ERC2: variants seen among roughly 807,000 people sequenced by gnomAD.
The protein encoded by ERC2 is ERC protein 2.
ERC2 carries 42 observed loss-of-function variants against 114.8 expected under a neutral mutation model. That is an observed-to-expected ratio of 0.37 (90% CI 0.29 to 0.47). ERC2 has a LOEUF of 0.47. Ranked by LOEUF, ERC2 falls within the 20% of genes least tolerant of loss-of-function variation. ERC2 has a pLI of 0.99. For missense variants in ERC2, 939 were observed against 1,150.7 expected, an observed-to-expected ratio of 0.82 and a Z score of 2.66; for synonymous variants, 454 against 425.5, an observed-to-expected ratio of 1.07 and a Z score of -0.82.
chr3:55,614,833 T>C (rs1410868059), intron 17 of ERC2, among the ~76,000 whole-genome samples: 1 of 152,162 alleles, frequency 6.6e-6, no homozygotes, highest in Non-Finnish European at 1.5e-5. Context: ...AACAGCAAAA[T>C]GGGATTTCAG....
chr3:55,927,787 T>C lies in ERC2; in HGVS notation c.2403+22638A>G, dbSNP rs370169940. Among the ~76,000 whole-genome samples, 9 of 152,150 alleles carry C rather than the reference T, an allele frequency of 5.9e-5. No homozygotes were observed. In the East Asian group the frequency reaches 1.4e-3, roughly 23 times the overall value. On this transcript the variant is annotated intron_variant, in intron 13 of 17. Transcript: ENST00000288221. ...TCCCAGCCTCTGGTAACCATCCTTC[T>C]ACTCTCTATCTCCATGAGTTTCACT...
chr3:56,059,103 T>A (rs1031009171), intron 7 of ERC2, among the ~76,000 whole-genome samples: 67 of 152,090 alleles, frequency 4.4e-4, no homozygotes, highest in African/African-American at 1.4e-3. Context: ...TTTTATTTTT[T>A]TTTTTGGAAA....
At chr3:56,155,433 C>T (rs930697005) in intron 4 of ERC2, among the ~76,000 whole-genome samples, 5 of 151,720 alleles carry the variant, frequency 3.3e-5, no homozygotes, top group African/African-American at 4.8e-5. Flanking sequence ...TATTGAGAAC[C>T]TATCTGAATG....
chr3:55,602,792 T>C (rs2058466714), intron 17 of ERC2, among the ~76,000 whole-genome samples: 2 of 152,346 alleles, frequency 1.3e-5, no homozygotes, highest in South Asian at 4.1e-4. Context: ...TTTCATGGTC[T>C]TAACCTCATG....
At chr3:55,808,728 TATATATATATATATAAC>T (rs1559689314) in intron 14 of ERC2, among the ~76,000 whole-genome samples, 2 of 115,034 alleles carry the variant, frequency 1.7e-5, no homozygotes, top group Non-Finnish European at 3.5e-5. Flanking sequence ...TATATATATA[TATATATATATATATAAC>T]GTATAACTAA....
intron 1 of ERC2, among the ~76,000 whole-genome samples, chr3:56,460,152 G>A (rs1243525987): frequency 6.6e-6 from 1 of 152,216 alleles, no homozygotes; most frequent in Non-Finnish European, 1.5e-5. Flanking sequence ...CTGAAAGAAT[G>A]AGCAGAAAAT....
intron 17 of ERC2, among the ~76,000 whole-genome samples, chr3:55,576,240 T>C (rs1575630353): frequency 6.7e-6 from 1 of 149,476 alleles, no homozygotes. Context: ...ACCTGAGAGG[T>C]AGAGATTGCA....
chr3:56,422,176 G>T (rs893447482), intron 2 of ERC2, among the ~76,000 whole-genome samples: 1 of 152,138 alleles, frequency 6.6e-6, no homozygotes, highest in African/African-American at 2.4e-5. Flanking sequence ...AATTCCTGAA[G>T]ATAGAGGCAA....
At chr3:55,715,945 C>T (rs1255029968) in intron 15 of ERC2, among the ~76,000 whole-genome samples, 3 of 152,130 alleles carry the variant, frequency 2.0e-5, no homozygotes, top group Non-Finnish European at 2.9e-5. Context: ...AAATCATAAC[C>T]TACTAACCAC....
intron 13 of ERC2, among the ~76,000 whole-genome samples, chr3:55,919,844 G>A (rs2065314272): frequency 6.6e-6 from 1 of 152,168 alleles, no homozygotes; most frequent in Non-Finnish European, 1.5e-5. Context: ...GGAATTGCAA[G>A]TGCAAAAGCC....
chr3:55,877,534 C>T (rs2062915719), intron 14 of ERC2, among the ~76,000 whole-genome samples: 1 of 141,858 alleles, frequency 7.0e-6, no homozygotes, highest in Non-Finnish European at 1.5e-5. Context: ...TTTTTTGAGA[C>T]AGGGTCTCAC....
intron 14 of ERC2, among the ~76,000 whole-genome samples, chr3:55,754,920 C>T (rs891921476): frequency 1.3e-5 from 2 of 152,120 alleles, no homozygotes; most frequent in Non-Finnish European, 2.9e-5. Flanking sequence ...TCTTAAGTGA[C>T]AGCTGCATTC....
intron 1 of ERC2, among the ~76,000 whole-genome samples, chr3:56,453,760 G>T (rs1231963126): frequency 6.6e-6 from 1 of 152,156 alleles, no homozygotes; most frequent in Admixed American, 6.5e-5. Flanking sequence ...ACAAATAGCT[G>T]CTCCTGGTGC....
intron 17 of ERC2, among the ~76,000 whole-genome samples, chr3:55,524,794 G>C (rs1474108391): frequency 1.3e-5 from 2 of 152,216 alleles, no homozygotes; most frequent in Non-Finnish European, 2.9e-5. Context: ...AAAAAAGAGA[G>C]AGAGAGAGGA....
intron 14 of ERC2, among the ~76,000 whole-genome samples, chr3:55,874,075 G>T (rs566878628): frequency 6.6e-6 from 1 of 152,342 alleles, no homozygotes; most frequent in African/African-American, 2.4e-5. Context: ...CCTCAGTCTA[G>T]TGTGTTGCAT....
At chr3:55,649,953 G>A (rs1439243442) in intron 17 of ERC2, among the ~76,000 whole-genome samples, 3 of 152,198 alleles carry the variant, frequency 2.0e-5, no homozygotes, top group African/African-American at 7.2e-5. Context: ...AGGCAGAGGG[G>A]CCGGCAGGGA....
At chr3:56,129,460 A>C (rs564601769) in intron 6 of ERC2, among the ~76,000 whole-genome samples, 12 of 152,306 alleles carry the variant, frequency 7.9e-5, no homozygotes, top group Middle Eastern at 3.4e-3. Flanking sequence ...TTTTCCATAA[A>C]ATTCATTTTA....
At chr3:55,558,134 G>C (rs1260036800) in intron 17 of ERC2, among the ~76,000 whole-genome samples, 1 of 152,196 alleles carries the variant, frequency 6.6e-6, no homozygotes, top group Non-Finnish European at 1.5e-5. Flanking sequence ...AACTTGTCCT[G>C]CCTCTCTGCC....
At chr3:56,255,198 G>T (rs1207473897) in intron 3 of ERC2, among the ~76,000 whole-genome samples, 1 of 152,170 alleles carries the variant, frequency 6.6e-6, no homozygotes, top group African/African-American at 2.4e-5. Flanking sequence ...TGGGAAAGTG[G>T]CCTCTGGGGC....
Sources: gnomAD v4.1 joint callset for allele counts (sites outside exome capture counted in the v4.1 genomes callset) on GRCh38, gnomAD v4.1.1 for gene constraint, MANE v1.5 for transcripts, NCBI Gene and HGNC (gene_info 2026-07-23, HGNC 2026-07-21) for gene names.